The following MLEC variants were observed in gnomAD, a reference collection of about 807,000 sequenced individuals.
MLEC encodes the protein oligosaccharyltransferase complex subunit (non-catalytic).
MLEC carries 7 observed loss-of-function variants against 28.7 expected under a neutral mutation model. The ratio of observed to expected loss-of-function variants is 0.24; its 90% CI spans 0.14 to 0.46. The LOEUF (loss-of-function observed/expected upper bound fraction) is 0.46. Among genes scored for constraint, MLEC ranks in the 20% least tolerant of loss-of-function variants. The pLI is 0.99. For synonymous variants in MLEC, 142 were observed against 164.4 expected (o/e 0.86, Z 1.04); for missense variants, 237 against 391.1 (o/e 0.61, Z 3.32).
chr12:120,694,036 G>T lies in MLEC; in HGVS notation c.236-55G>T. The T allele has an allele frequency of 6.5e-7, 1 of 1,540,672 alleles. No homozygotes were observed. On this transcript the variant is annotated intron_variant, in intron 1 of 4. Coordinates refer to ENST00000228506, the MANE Select transcript of MLEC (RefSeq NM_014730.4). This position sits in a 1 kb window ranked among gnomAD's most constrained non-coding sequence, Gnocchi z 4.5. ...TGCCTCTGGCTGTTCTGGGGTCTTT[G>T]CTTTTCTTTTGTGTCTTGCCTCTGA...
At chr12:120,688,620 CTT>C (rs1881916974) in intron 1 of MLEC, among the ~76,000 whole-genome samples, 1 of 152,256 alleles carries the variant, frequency 6.6e-6, no homozygotes, top group South Asian at 2.1e-4. Context: ...CAGACTCACT[CTT>C]CACTTTCTCT....
At chr12:120,689,016 T>G (rs141671617) in intron 1 of MLEC, among the ~76,000 whole-genome samples, 1 of 152,334 alleles carries the variant, frequency 6.6e-6, no homozygotes, top group Non-Finnish European at 1.5e-5. Flanking sequence ...ACTTTGCCTC[T>G]TGAGATAGCG....
At position 120,695,261 on chromosome 12, in the gene MLEC, A is replaced by C. The variant is rs529776279; in HGVS notation, c.649+109A>C. On this transcript the variant is annotated intron_variant, in intron 4 of 4. Coordinates refer to ENST00000228506, the MANE Select transcript of MLEC (RefSeq NM_014730.4). ...CTATTTTGGAAACACTTAAAGCTAA[A>C]TTGTAGGGGATTCAGAATCAGTTGG... 1,036 of 1,153,062 alleles carry C rather than the reference A, an allele frequency of 9.0e-4. 1 individual carries two copies. Among genetic ancestry groups the C allele is most frequent in the Non-Finnish European group, 1.1e-3 (847 of 764,828 alleles). The allele number at this position is 1,153,062 out of a possible 1,614,324, so 71.4% of individuals were successfully genotyped here. A position where few individuals can be genotyped will look rare whatever the true frequency, so the allele number is the denominator to read the frequency against.
At chr12:120,689,860 A>G (rs1322504170) in intron 1 of MLEC, among the ~76,000 whole-genome samples, 2 of 152,250 alleles carry the variant, frequency 1.3e-5, no homozygotes, top group Non-Finnish European at 2.9e-5. Flanking sequence ...ATTTGTTACC[A>G]AGTTAGTCCA....
chr12:120,695,432 G>A (rs1180094253), intron 4 of MLEC, among the ~76,000 whole-genome samples: 1 of 152,130 alleles, frequency 6.6e-6, no homozygotes, highest in African/African-American at 2.4e-5. Flanking sequence ...GTACCTATTG[G>A]TGTACCCTGA....
At chr12:120,693,266 A>G (rs2137417437) in intron 1 of MLEC, among the ~76,000 whole-genome samples, 1 of 152,362 alleles carries the variant, frequency 6.6e-6, no homozygotes, top group Non-Finnish European at 1.5e-5. Context: ...ACAGAGTGGC[A>G]TGGCTTCACT....
intron 1 of MLEC, among the ~76,000 whole-genome samples, chr12:120,692,194 C>T (rs1246363151): frequency 1.3e-5 from 2 of 152,082 alleles, no homozygotes; most frequent in African/African-American, 4.8e-5. Context: ...AAAACAATTC[C>T]CCACCCATGC....
In MLEC at chr12:120,694,787, A is replaced by T; in HGVS notation, c.415-37A>T. 1.3e-6 allele frequency: 2 copies of T among 1,574,126 alleles called. No individual in the cohort carries two copies. Among genetic ancestry groups the T allele is most frequent in the Non-Finnish European group, 1.7e-6 (2 of 1,155,540 alleles). ...AACTGCTTGAAAGGATGTAAAGCTGATGGTTTTGACATTGTTTTCTTTTCT... is the reference window on the plus strand; with the variant it reads ...AACTGCTTGAAAGGATGTAAAGCTGTTGGTTTTGACATTGTTTTCTTTTCT... On this transcript the variant is annotated intron_variant, in intron 2 of 4. Transcript: ENST00000228506. The surrounding 1 kb of genome is among the most constrained non-coding windows in gnomAD (Gnocchi z 4.5).
At chr12:120,688,063 G>T (rs1259820275) in intron 1 of MLEC, among the ~76,000 whole-genome samples, 2 of 152,180 alleles carry the variant, frequency 1.3e-5, no homozygotes, top group African/African-American at 4.8e-5. Context: ...GAATATGTGT[G>T]CTTAAAAGTA....
Position 120,698,918 on chromosome 12 carries a change from A to G in MLEC, c.*2373A>G, listed in dbSNP as rs1245565542. On this transcript the variant is annotated 3_prime_UTR_variant, in exon 5 of 5. Coordinates refer to ENST00000228506, the MANE Select transcript of MLEC (RefSeq NM_014730.4). ...AAGGAACATCTTTCTATGGCTAACA[A>G]AAACTAAAGGGGAAGTGAGGAAACA... is the stretch of plus-strand genomic sequence containing the variant. 15 of 152,680 alleles carry G rather than the reference A, an allele frequency of 9.8e-5. No individual in the cohort carries two copies. Among genetic ancestry groups the G allele is most frequent in the Non-Finnish European group, 2.9e-5 (2 of 68,070 alleles). The allele number at this position is 152,680 out of a possible 1,614,324, so 9.5% of individuals were successfully genotyped here. A position where few individuals can be genotyped will look rare whatever the true frequency, so the allele number is the denominator to read the frequency against.
rs1314810904 is a variant in MLEC, at chr12:120,687,653, C to G, written c.235+122C>G. 1.4e-6 allele frequency: 1 copy of G among 693,242 alleles called. No homozygotes were observed. The highest frequency in any genetic ancestry group is 3.4e-5 in the East Asian group (1 of 29,336). 42.9% of individuals were successfully genotyped at this position (693,242 alleles called of 1,614,324 possible). A position where few individuals can be genotyped will look rare whatever the true frequency, so the allele number is the denominator to read the frequency against. Reference sequence around the variant, plus strand: ...GCCGCGTCTCTGGAGCGAAGTTTCTCTCTGCAGCTTCTTCGGGGGCCCGCT... The same window carrying G: ...GCCGCGTCTCTGGAGCGAAGTTTCTGTCTGCAGCTTCTTCGGGGGCCCGCT... On this transcript the variant is annotated intron_variant, in intron 1 of 4. Transcript: ENST00000228506. This position sits in a 1 kb window ranked among gnomAD's most constrained non-coding sequence, Gnocchi z 8.1.
chr12:120,695,807 C>G (rs1187984397), intron 4 of MLEC, among the ~76,000 whole-genome samples: 2 of 152,122 alleles, frequency 1.3e-5, no homozygotes, highest in Admixed American at 1.3e-4. Context: ...CTTGATGTCC[C>G]CCAAATGCTG....
Position 120,687,181 on chromosome 12 carries a change from T to A in MLEC, c.-116T>A, listed in dbSNP as rs1881850306. Reference sequence around the variant, plus strand: ...AGAAGAAGGAGGCCTGAGAGCGACATGTCCCCGGCGGCTCAGGCGGAGCGG... The same window carrying A: ...AGAAGAAGGAGGCCTGAGAGCGACAAGTCCCCGGCGGCTCAGGCGGAGCGG... On this transcript the variant is annotated 5_prime_UTR_variant, in exon 1 of 5. It removes an upstream start codon present in the reference 5' UTR. Transcript: ENST00000228506. This position sits in a 1 kb window ranked among gnomAD's most constrained non-coding sequence, Gnocchi z 8.1. 7 of 1,157,824 alleles carry A rather than the reference T, an allele frequency of 6.0e-6. No homozygotes were observed. The highest frequency in any genetic ancestry group is 7.7e-6 in the Non-Finnish European group (7 of 910,454). 71.7% of individuals were successfully genotyped at this position (1,157,824 alleles called of 1,614,324 possible).
At position 120,696,624 on chromosome 12, in the gene MLEC, C is replaced by G; in HGVS notation, c.*79C>G. ...TATTGGTTTTGGTTTCTGTATTTTT[C>G]ACAATGATTAATGAACAAAAACAAA... On this transcript the variant is annotated 3_prime_UTR_variant, in exon 5 of 5. Transcript: ENST00000228506. The surrounding 1 kb of genome is among the most constrained non-coding windows in gnomAD (Gnocchi z 5.4). The G allele has an allele frequency of 6.4e-7, 1 of 1,553,586 alleles. No homozygotes were observed. Among genetic ancestry groups the G allele is most frequent in the Non-Finnish European group, 8.7e-7 (1 of 1,149,050 alleles).
rs559839026 is a variant in MLEC, at chr12:120,700,327, T to C, written c.*3782T>C. The C allele has an allele frequency of 1.3e-5, 2 of 152,942 alleles. No homozygotes were observed. Among genetic ancestry groups the C allele is most frequent in the South Asian group, 2.1e-4 (1 of 4,832 alleles). 9.5% of individuals were successfully genotyped at this position (152,942 alleles called of 1,614,324 possible). A position where few individuals can be genotyped will look rare whatever the true frequency, so the allele number is the denominator to read the frequency against. ...CCTACTCTGGCATAATTCAAGTGTCTTCTTGCCTTGGGGATCCTTAGTGGC... is the reference window on the plus strand; with the variant it reads ...CCTACTCTGGCATAATTCAAGTGTCCTCTTGCCTTGGGGATCCTTAGTGGC... On this transcript the variant is annotated 3_prime_UTR_variant, in exon 5 of 5. Transcript: ENST00000228506. The surrounding 1 kb of genome is among the most constrained non-coding windows in gnomAD (Gnocchi z 4.0).
rs939260958 is a variant in MLEC, at chr12:120,699,354, T to A, written c.*2809T>A. 6.6e-6 allele frequency: 1 copy of A among 152,504 alleles called. No homozygotes were observed. Among genetic ancestry groups the A allele is most frequent in the Admixed American group, 6.5e-5 (1 of 15,274 alleles). The allele number at this position is 152,504 out of a possible 1,614,324, so 9.4% of individuals were successfully genotyped here. ...CTACACTCTGTCCCAGGTTTTTAGA[T>A]CCCACTGAGCCCAGCTGACTGAAAA... On this transcript the variant is annotated 3_prime_UTR_variant, in exon 5 of 5. Coordinates refer to ENST00000228506, the MANE Select transcript of MLEC (RefSeq NM_014730.4).
Position 120,696,377 on chromosome 12 carries a change from A to AGAATAT in MLEC, c.714_719dup (p.Glu238_Tyr239dup), listed in dbSNP as rs1308207478. The AGAATAT allele has an allele frequency of 1.2e-5, 19 of 1,614,102 alleles. No homozygotes were observed. The highest frequency in any genetic ancestry group is 1.6e-5 in the Non-Finnish European group (19 of 1,180,054). On this transcript the variant is annotated inframe_insertion, in exon 5 of 5. Transcript: ENST00000228506. The surrounding 1 kb of genome is among the most constrained non-coding windows in gnomAD (Gnocchi z 5.4). ...AGAAAGAAGAGGAAGAAGAAGAAGA[A>AGAATAT]GAATATGATGAAGGGTCTAATCTCA...
In MLEC at chr12:120,687,152, G is replaced by A. The variant is rs892421075; in HGVS notation, c.-145G>A. 4 of 889,954 alleles carry A rather than the reference G, an allele frequency of 4.5e-6. No homozygotes were observed. In the African/African-American group the frequency reaches 7.0e-5, roughly 16 times the overall value. 55.1% of individuals were successfully genotyped at this position (889,954 alleles called of 1,614,324 possible). On this transcript the variant is annotated 5_prime_UTR_variant, in exon 1 of 5. Transcript: ENST00000228506. This position sits in a 1 kb window ranked among gnomAD's most constrained non-coding sequence, Gnocchi z 8.1. ...CCTGAGGTGGGAGGCGGTACCCGTG[G>A]CTGAGAAGAAGGAGGCCTGAGAGCG... is the stretch of plus-strand genomic sequence containing the variant.
rs1306659102 is a variant in MLEC at position 120,694,826 on chromosome 12, A to G, written c.417A>G (p.Val139=). ...GTTTTCTTTTCTTATCCTGGAAGGTATTTGATGTACGATTGAATGGCCACG... is the reference window on the plus strand; with the variant it reads ...GTTTTCTTTTCTTATCCTGGAAGGTGTTTGATGTACGATTGAATGGCCACG... ...EVYFAQSQQK[V]FDVRLNGHVV... Residue 139 remains valine, a splice_region_variant and synonymous_variant, in exon 3 of 5, where the codon GTA becomes GTG. Coordinates refer to ENST00000228506, the MANE Select transcript of MLEC (RefSeq NM_014730.4). The surrounding 1 kb of genome is among the most constrained non-coding windows in gnomAD (Gnocchi z 4.5). The G allele has an allele frequency of 2.5e-6, 4 of 1,610,054 alleles. No individual in the cohort carries two copies. The highest frequency in any genetic ancestry group is 2.2e-5 in the East Asian group (1 of 44,822).
Sources: allele counts gnomAD v4.1 joint callset (sites outside exome capture counted in the v4.1 genomes callset), GRCh38; gene constraint gnomAD v4.1.1; non-coding constraint Gnocchi (gnomAD v3.1); transcripts MANE v1.5; gene names NCBI Gene and HGNC (gene_info 2026-07-23, HGNC 2026-07-21).